LGR4: variants seen among roughly 807,000 people sequenced by gnomAD.
LGR4 encodes the protein leucine rich repeat containing G protein-coupled receptor 4.
In LGR4, 44 loss-of-function variants were observed where a neutral mutation model predicts 84.8. That is an observed-to-expected ratio of 0.52 (90% CI 0.41 to 0.67). LGR4 has a LOEUF of 0.67. Among genes scored for constraint, LGR4 ranks in the 30% least tolerant of loss-of-function variants. The pLI, the probability that LGR4 is intolerant of heterozygous loss-of-function variation, is 0.00. For synonymous variants in LGR4, 429 were observed against 434.3 expected (o/e 0.99, Z 0.15); for missense variants, 1,032 against 1,131.4 (o/e 0.91, Z 1.26).
At chr11:27,394,646 G>T (rs886288191) in intron 2 of LGR4, among the ~76,000 whole-genome samples, 1 of 151,982 alleles carries the variant, frequency 6.6e-6, no homozygotes, top group Non-Finnish European at 1.5e-5. Context: ...CAAATGATCC[G>T]CCTGCCTTGG....
intron 1 of LGR4, among the ~76,000 whole-genome samples, chr11:27,445,833 C>T (rs1038010669): frequency 5.3e-5 from 8 of 151,676 alleles, no homozygotes; most frequent in Admixed American, 1.3e-4. Flanking sequence ...GCTGAGATGG[C>T]GCCACTGTAC....
At chr11:27,413,813 GC>G (rs1391174421) in intron 1 of LGR4, among the ~76,000 whole-genome samples, 1 of 152,108 alleles carries the variant, frequency 6.6e-6, no homozygotes, top group East Asian at 1.9e-4. Flanking sequence ...ACCGAAGTCA[GC>G]TTACAACAAT....
chr11:27,436,992 C>T (rs1864223347), intron 1 of LGR4, among the ~76,000 whole-genome samples: 1 of 152,136 alleles, frequency 6.6e-6, no homozygotes, highest in African/African-American at 2.4e-5. Context: ...TGTTTGGTTA[C>T]TAACTAGTTT....
In LGR4 at chr11:27,392,463, T is replaced by C. The variant is rs1029033471; in HGVS notation, c.313A>G (p.Lys105Glu). The change falls in exon 3 of 18, where the codon AAA becomes GAA. Residue 105 changes from lysine (K) to glutamate (E), a missense_variant. Transcript: ENST00000379214. ...ATTACTTACAGAACTTTGAGTTCTT[T>C]CAACCCAGACAAGGCCTTTGGGTGG... ...FIHPKALSGLKELKVLTLQNN... is the reference protein window; with the variant it reads ...FIHPKALSGLEELKVLTLQNN... 1.4e-5 allele frequency: 22 copies of C among 1,594,042 alleles called. No homozygotes were observed. Among genetic ancestry groups the C allele is most frequent in the Non-Finnish European group, 1.8e-5 (21 of 1,173,762 alleles).
chr11:27,412,467 C>T (rs1056739007), intron 2 of LGR4, among the ~76,000 whole-genome samples: 23 of 152,102 alleles, frequency 1.5e-4, no homozygotes, highest in African/African-American at 5.3e-4. Flanking sequence ...GGTAATTATA[C>T]AGCAGCCTTG....
intron 1 of LGR4, among the ~76,000 whole-genome samples, chr11:27,447,203 C>G (rs917594455): frequency 6.6e-6 from 1 of 151,838 alleles, no homozygotes; most frequent in African/African-American, 2.4e-5. Context: ...TAAAAAAAAG[C>G]GCTTACAAAC....
At chr11:27,406,430 CAGTT>C (rs918782941) in intron 2 of LGR4, among the ~76,000 whole-genome samples, 12 of 152,086 alleles carry the variant, frequency 7.9e-5, no homozygotes, top group Non-Finnish European at 1.6e-4. Context: ...AAACTTGGGT[CAGTT>C]ACTTAACCTC....
intron 2 of LGR4, among the ~76,000 whole-genome samples, chr11:27,394,716 A>C (rs185727286): frequency 6.6e-6 from 1 of 152,182 alleles, no homozygotes; most frequent in Non-Finnish European, 1.5e-5. Flanking sequence ...GTACCCCCTT[A>C]AACACCCAAC....
intron 2 of LGR4, among the ~76,000 whole-genome samples, chr11:27,396,332 G>C (rs1475882291): frequency 1.3e-5 from 2 of 152,124 alleles, no homozygotes; most frequent in Admixed American, 6.6e-5. Context: ...CTAGTAAGGA[G>C]AGACTATGCA....
At chr11:27,394,154 A>G (rs1308130056) in intron 2 of LGR4, among the ~76,000 whole-genome samples, 2 of 152,082 alleles carry the variant, frequency 1.3e-5, no homozygotes, top group Non-Finnish European at 2.9e-5. Context: ...CAAGGCATCC[A>G]AGTACCTAAA....
intron 2 of LGR4, among the ~76,000 whole-genome samples, chr11:27,410,528 T>C (rs1278357528): frequency 6.6e-6 from 1 of 152,144 alleles, no homozygotes; most frequent in African/African-American, 2.4e-5. Context: ...ACAGTTATGC[T>C]GTTTATGAAA....
intron 1 of LGR4, among the ~76,000 whole-genome samples, chr11:27,453,595 C>T (rs1464483379): frequency 6.6e-6 from 1 of 152,048 alleles, no homozygotes; most frequent in Non-Finnish European, 1.5e-5. Flanking sequence ...TCCCCCACCC[C>T]CCTGCCAGGT....
rs544421555 is a variant in LGR4, at chr11:27,452,816, G to A, written c.185+19302C>T. Reference sequence around the variant, plus strand: ...TTTTTTTTTTTTTTTTGTATTTTTAGTAGAGACGGTGTTTCACTGTTGAAC... The same window carrying A: ...TTTTTTTTTTTTTTTTGTATTTTTAATAGAGACGGTGTTTCACTGTTGAAC... On this transcript the variant is annotated intron_variant, in intron 1 of 17. Transcript: ENST00000379214. Among the ~76,000 whole-genome samples, 4 of 146,346 alleles carry A rather than the reference G, an allele frequency of 2.7e-5. No individual in the cohort carries two copies. In the South Asian group the frequency reaches 8.7e-4, roughly 32 times the overall value.
intron 1 of LGR4, among the ~76,000 whole-genome samples, chr11:27,450,030 C>T (rs532210902): frequency 1.3e-5 from 2 of 152,186 alleles, no homozygotes; most frequent in Non-Finnish European, 2.9e-5. Flanking sequence ...CTGAAAAACG[C>T]TTTCGTTAAG....
intron 2 of LGR4, among the ~76,000 whole-genome samples, chr11:27,409,082 A>G (rs1003442636): frequency 9.9e-5 from 15 of 152,158 alleles, no homozygotes; most frequent in African/African-American, 3.1e-4. Context: ...TTGGAAAAAG[A>G]AGGAGGAAAA....
At chr11:27,452,484 C>A (rs1864496727) in intron 1 of LGR4, among the ~76,000 whole-genome samples, 1 of 152,112 alleles carries the variant, frequency 6.6e-6, no homozygotes, top group African/African-American at 2.4e-5. Flanking sequence ...TCCACCACTG[C>A]AAAGAAATGC....
rs1862816831 is a variant in LGR4, at chr11:27,368,668, C to T, written c.2055G>A (p.Gly685=). ...VAGCFPLFHR[G]EYSASPLCLP... ...AACAAAGGGGTGATGCAGAATATTC[C>T]CCTCTATGGAAAAGGGGAAAACAGC... The change falls in exon 18 of 18, where the codon GGG becomes GGA. Residue 685 remains glycine (G), a synonymous_variant. Transcript: ENST00000379214. 1.2e-6 allele frequency: 2 copies of T among 1,613,828 alleles called. No homozygotes were observed. The highest frequency in any genetic ancestry group is 2.2e-5 in the South Asian group (2 of 90,990).
At chr11:27,428,406 T>C (rs1005949876) in intron 1 of LGR4, among the ~76,000 whole-genome samples, 2 of 152,332 alleles carry the variant, frequency 1.3e-5, no homozygotes, top group South Asian at 2.1e-4. Context: ...CCCAAAGTAC[T>C]GGGATTACAG....
Position 27,371,659 on chromosome 11 carries a change from T to C in LGR4, c.1535A>G (p.Asn512Ser), listed in dbSNP as rs1208264410. 3 of 1,613,274 alleles carry C rather than the reference T, an allele frequency of 1.9e-6. No individual in the cohort carries two copies. In the African/African-American group the frequency reaches 4.0e-5, roughly 22 times the overall value. Reference protein sequence around the residue: ...DAANVTSTLENEEHSQIIIHC... With the variant: ...DAANVTSTLESEEHSQIIIHC... ...GATAATTATTTGACTATGTTCTTCA[T>C]TTTCAAGAGTGCTTGTGACATTTGC... Residue 512 changes from asparagine to serine, a missense_variant, in exon 17 of 18, where the codon AAT becomes AGT. By Grantham distance (46) the Asn-to-Ser change is conservative (BLOSUM62 1). Coordinates refer to ENST00000379214, the MANE Select transcript of LGR4 (RefSeq NM_018490.5).
Sources: gnomAD v4.1 joint callset for allele counts (sites outside exome capture counted in the v4.1 genomes callset) on GRCh38, gnomAD v4.1.1 for gene constraint, MANE v1.5 for transcripts, NCBI Gene and HGNC (gene_info 2026-07-23, HGNC 2026-07-21) for gene names.